FTO: variants seen among roughly 807,000 people sequenced by gnomAD.
The protein encoded by FTO is FTO alpha-ketoglutarate dependent dioxygenase.
FTO carries 47 observed loss-of-function variants against 63.9 expected under a neutral mutation model. That is an observed-to-expected ratio of 0.74 (90% CI 0.58 to 0.94). The LOEUF (loss-of-function observed/expected upper bound fraction) is 0.94. Ranked by LOEUF, FTO falls within the 40% of genes least tolerant of loss-of-function variation. The probability of loss-of-function intolerance (pLI) is 0.00; values close to 1 mark genes in which losing one functional copy is unlikely to be tolerated. For missense variants in FTO, 562 were observed against 618.1 expected, an observed-to-expected ratio of 0.91 and a Z score of 0.96; for synonymous variants, 207 against 224.4, an observed-to-expected ratio of 0.92 and a Z score of 0.69.
At chr16:53,803,080 A>G (rs1044006989) in intron 1 of FTO, among the ~76,000 whole-genome samples, 6 of 152,194 alleles carry the variant, frequency 3.9e-5, no homozygotes, top group African/African-American at 9.6e-5. Flanking sequence ...CTTGCCTTGT[A>G]GTATTCTCTT....
Position 54,111,910 on chromosome 16 carries a change from C to T in FTO, c.1513C>T (p.Pro505Ser), listed in dbSNP as rs566271902. 3 of 1,614,056 alleles carry T rather than the reference C, an allele frequency of 1.9e-6. No homozygotes were observed. Among genetic ancestry groups the T allele is most frequent in the Non-Finnish European group, 2.5e-6 (3 of 1,180,008 alleles). ...CAGAGGTCAGCTTCTGGAAGCAAAA[C>T]CCTAGAAGGAGCACAAGTCTCAGGC... ...ELRGQLLEAK[P>S] Residue 505 changes from proline to serine, a missense_variant, in exon 9 of 9, where the codon CCC (proline) becomes TCC (serine). Pro to Ser is a moderately conservative substitution (Grantham distance 74). Transcript: ENST00000471389.
At chr16:53,784,056 C>A (rs534516762) in intron 1 of FTO, among the ~76,000 whole-genome samples, 1 of 152,170 alleles carries the variant, frequency 6.6e-6, no homozygotes, top group African/African-American at 2.4e-5. Context: ...TAGTCACTTA[C>A]AATGAGCAGC....
intron 1 of FTO, among the ~76,000 whole-genome samples, chr16:53,733,901 A>G (rs1468105891): frequency 6.6e-6 from 1 of 152,206 alleles, no homozygotes; most frequent in Non-Finnish European, 1.5e-5. Context: ...ACTGACTGGA[A>G]GGAAGATATA....
chr16:53,902,130 G>A (rs192911866), intron 7 of FTO, among the ~76,000 whole-genome samples: 739 of 152,176 alleles, frequency 4.9e-3, no homozygotes, highest in Non-Finnish European at 8.0e-3. Context: ...AGGTAACGTC[G>A]GCATAGTGAT....
chr16:53,740,502 GT>G (rs2076507222), intron 1 of FTO, among the ~76,000 whole-genome samples: 1 of 152,166 alleles, frequency 6.6e-6, no homozygotes, highest in South Asian at 2.1e-4. Context: ...ATATTTTCTG[GT>G]TTTTCTTGCC....
At chr16:53,741,126 A>G (rs148368682) in intron 1 of FTO, among the ~76,000 whole-genome samples, 2 of 152,382 alleles carry the variant, frequency 1.3e-5, no homozygotes, top group East Asian at 3.9e-4. Context: ...TTATTGAAAC[A>G]TAGCCATGCT....
chr16:53,853,320 A>AT (rs1355530249), intron 4 of FTO, among the ~76,000 whole-genome samples: 2 of 152,090 alleles, frequency 1.3e-5, no homozygotes, highest in African/African-American at 4.8e-5. Flanking sequence ...AAAAAAATGT[A>AT]TTTTAAATTT....
intron 6 of FTO, among the ~76,000 whole-genome samples, chr16:53,880,672 C>CCA (rs2080798058): frequency 6.6e-6 from 1 of 152,086 alleles, no homozygotes; most frequent in South Asian, 2.1e-4. Flanking sequence ...GGTGCAAGGG[C>CCA]CAGGCAAGCT....
chr16:53,977,307 T>A (rs1209148699), intron 8 of FTO, among the ~76,000 whole-genome samples: 1 of 152,206 alleles, frequency 6.6e-6, no homozygotes, highest in Non-Finnish European at 1.5e-5. Flanking sequence ...CTTATATTGT[T>A]GAATCATCTT....
At position 53,723,661 on chromosome 16, in the gene FTO, G is replaced by A. The variant is rs551513928; in HGVS notation, c.45+19432G>A. Reference sequence around the variant, plus strand: ...AATTATTTGAGCTATAATCATATAGGCTTTTGCCTTCATTTATAAAAGAAA... The same window carrying A: ...AATTATTTGAGCTATAATCATATAGACTTTTGCCTTCATTTATAAAAGAAA... On this transcript the variant is annotated intron_variant, in intron 1 of 8. Transcript: ENST00000471389. 3.3e-5 allele frequency among the ~76,000 whole-genome samples: 5 copies of A among 152,266 alleles called. No individual in the cohort carries two copies. In the East Asian group the frequency reaches 5.8e-4, roughly 18 times the overall value.
At chr16:53,926,549 T>C (rs544835910) in intron 7 of FTO, among the ~76,000 whole-genome samples, 2 of 152,328 alleles carry the variant, frequency 1.3e-5, no homozygotes, top group African/African-American at 2.4e-5. Context: ...AATATGTAAG[T>C]GCAATGGAGT....
chr16:53,947,220 C>A (rs961007637), intron 8 of FTO, among the ~76,000 whole-genome samples: 2 of 152,174 alleles, frequency 1.3e-5, no homozygotes, highest in African/African-American at 4.8e-5. Flanking sequence ...TGTCCTGGCC[C>A]TGTCAGACAA....
chr16:54,084,960 G>T (rs1367599870), intron 8 of FTO, among the ~76,000 whole-genome samples: 3 of 152,220 alleles, frequency 2.0e-5, no homozygotes, highest in Non-Finnish European at 4.4e-5. Flanking sequence ...GCCTTGGGAA[G>T]AAAAGTCATG....
At chr16:53,741,851 TG>T (rs1457320825) in intron 1 of FTO, among the ~76,000 whole-genome samples, 1 of 152,206 alleles carries the variant, frequency 6.6e-6, no homozygotes, top group Admixed American at 6.5e-5. Context: ...ACAAAGCTGT[TG>T]GCTGGGAAAT....
At chr16:53,841,266 A>G (rs2079469336) in intron 3 of FTO, among the ~76,000 whole-genome samples, 1 of 151,688 alleles carries the variant, frequency 6.6e-6, no homozygotes, top group Non-Finnish European at 1.5e-5. Context: ...CCTGATATAA[A>G]GGTATTTATC....
intron 8 of FTO, among the ~76,000 whole-genome samples, chr16:54,059,448 G>A (rs2085518482): frequency 6.6e-6 from 1 of 152,144 alleles, no homozygotes; most frequent in African/African-American, 2.4e-5. Context: ...TAGAACTCGT[G>A]AGGGGGTAAT....
At chr16:53,963,649 C>G (rs1194262064) in intron 8 of FTO, among the ~76,000 whole-genome samples, 1 of 152,208 alleles carries the variant, frequency 6.6e-6, no homozygotes, top group Admixed American at 6.5e-5. Flanking sequence ...GTGCCTGCTT[C>G]CCCTTTGCCT....
At chr16:53,723,709 C>G (rs1355131407) in intron 1 of FTO, among the ~76,000 whole-genome samples, 1 of 152,170 alleles carries the variant, frequency 6.6e-6, no homozygotes, top group Non-Finnish European at 1.5e-5. Flanking sequence ...AAACTAGATG[C>G]TTTGTCACTG....
At chr16:53,719,253 C>CTTTTTTTTTTTTTTTTTT (rs10527186) in intron 1 of FTO, among the ~76,000 whole-genome samples, 8 of 135,648 alleles carry the variant, frequency 5.9e-5, no homozygotes, top group South Asian at 2.6e-4. Context: ...TCTTCTTCTT[C>CTTTTTTTTTTTTTTTTTT]TTTTTTTTTT....
Sources: gnomAD v4.1 joint callset for allele counts (sites outside exome capture counted in the v4.1 genomes callset) on GRCh38, gnomAD v4.1.1 for gene constraint, MANE v1.5 for transcripts, NCBI Gene and HGNC (gene_info 2026-07-23, HGNC 2026-07-21) for gene names.